The following SYNE2 variants were observed in gnomAD, a reference collection of about 807,000 sequenced individuals.
SYNE2 encodes nesprin-2.
Under a neutral mutation model 856.3 loss-of-function variants are expected in SYNE2, and 431 were observed. The ratio of observed to expected loss-of-function variants is 0.50; its 90% CI spans 0.47 to 0.55. The LOEUF (loss-of-function observed/expected upper bound fraction) is 0.55, where lower values mean the gene tolerates loss of function less well. SYNE2 is among the 20% of genes least tolerant of loss of function. The probability of loss-of-function intolerance (pLI) is 0.00; values close to 1 mark genes in which losing one functional copy is unlikely to be tolerated. For missense variants in SYNE2, 8,129 were observed against 8,023.2 expected (o/e 1.01, Z -0.50); for synonymous variants, 2,923 against 2,872.3 (o/e 1.02, Z -0.56).
intron 1 of SYNE2, among the ~76,000 whole-genome samples, chr14:63,857,049 A>G (rs1891976017): frequency 1.3e-5 from 2 of 152,164 alleles, no homozygotes; most frequent in Admixed American, 6.5e-5. Flanking sequence ...GATTACAGGC[A>G]TGAGTCTGCC....
At chr14:64,004,789 G>A (rs1002694787) in intron 30 of SYNE2, among the ~76,000 whole-genome samples, 2 of 152,116 alleles carry the variant, frequency 1.3e-5, no homozygotes, top group Non-Finnish European at 2.9e-5. Flanking sequence ...CAGGCTCAAT[G>A]ATACTTTCAT....
intron 1 of SYNE2, among the ~76,000 whole-genome samples, chr14:63,822,860 T>C (rs1231358436): frequency 2.0e-5 from 3 of 152,124 alleles, no homozygotes; most frequent in Non-Finnish European, 4.4e-5. Context: ...TCCTAGAACA[T>C]TGAGAGGCTG....
intron 1 of SYNE2, among the ~76,000 whole-genome samples, chr14:63,899,501 C>A (rs1368517492): frequency 1.3e-5 from 2 of 148,694 alleles, no homozygotes; most frequent in African/African-American, 5.0e-5. Context: ...TGTGCCTGGC[C>A]CTGTTTGTTA....
intron 114 of SYNE2, 38 bp from the exon 115 acceptor site, chr14:64,224,961 G>A (rs375457689): frequency 5.9e-5 from 94 of 1,589,028 alleles, no homozygotes; most frequent in Non-Finnish European, 7.9e-5. Flanking sequence ...GGACTAAACT[G>A]TCTTCAACTT....
At chr14:64,155,706 C>T (rs1200666139) in intron 85 of SYNE2, among the ~76,000 whole-genome samples, 1 of 152,082 alleles carries the variant, frequency 6.6e-6, no homozygotes, top group Non-Finnish European at 1.5e-5. Flanking sequence ...GTAGGAGGAT[C>T]GCTTGAGGCC....
chr14:64,140,242 C>T (rs1379100921), intron 80 of SYNE2, among the ~76,000 whole-genome samples, 169 bp downstream of exon 80: 5 of 152,140 alleles, frequency 3.3e-5, no homozygotes, highest in Admixed American at 6.5e-5. Flanking sequence ...ACTGTTCATT[C>T]GTTTATAATA....
intron 100 of SYNE2, among the ~76,000 whole-genome samples, chr14:64,206,804 C>T (rs938734202): frequency 6.6e-6 from 1 of 151,342 alleles, no homozygotes; most frequent in East Asian, 1.9e-4. Flanking sequence ...CAGATGAGGT[C>T]ATGGGCATTT....
At position 64,137,767 on chromosome 14, in the gene SYNE2, A is replaced by G. The variant is rs1197092420; in HGVS notation, c.14647-20A>G. On this transcript the variant is annotated intron_variant, in intron 78 of 115. Coordinates refer to ENST00000555002, the MANE Select transcript of SYNE2 (RefSeq NM_182914.3). ...CTTTATTTTCTAAATAATTCATTCTATGACTTTACTTTTTATTAGCAAATA... is the reference window on the plus strand; with the variant it reads ...CTTTATTTTCTAAATAATTCATTCTGTGACTTTACTTTTTATTAGCAAATA... The G allele has an allele frequency of 3.7e-6, 6 of 1,613,192 alleles. No individual in the cohort carries two copies. Among genetic ancestry groups the G allele is most frequent in the East Asian group, 2.2e-5 (1 of 44,856 alleles).
At chr14:64,190,606 G>A in intron 99 of SYNE2, 1 of 702,182 alleles carries the variant, frequency 1.4e-6, no homozygotes, top group South Asian at 1.5e-5. Flanking sequence ...CCTCAGTATG[G>A]CAGATCAGGT....
chr14:63,854,631 A>T (rs1239461815), intron 1 of SYNE2, among the ~76,000 whole-genome samples: 1 of 152,254 alleles, frequency 6.6e-6, no homozygotes, highest in African/African-American at 2.4e-5. Flanking sequence ...CTTTGTCCAC[A>T]TGTTTGAATT....
At chr14:63,890,810 T>C (rs1396494294) in intron 1 of SYNE2, among the ~76,000 whole-genome samples, 5 of 152,222 alleles carry the variant, frequency 3.3e-5, no homozygotes, top group African/African-American at 9.6e-5. Flanking sequence ...TTGAAATTGC[T>C]CCTTTTCCTT....
intron 45 of SYNE2, among the ~76,000 whole-genome samples, chr14:64,046,882 T>C (rs1181487820): frequency 6.6e-6 from 1 of 152,206 alleles, no homozygotes; most frequent in Non-Finnish European, 1.5e-5. Flanking sequence ...CAGTGGCACC[T>C]GGGTGAGGGT....
intron 1 of SYNE2, among the ~76,000 whole-genome samples, chr14:63,838,634 G>A (rs939947723): frequency 2.8e-4 from 43 of 151,948 alleles, no homozygotes; most frequent in African/African-American, 8.9e-4. Context: ...CCCAGCCTCC[G>A]TAGTAGCCAG....
At chr14:64,075,330 A>G (rs906756531) in intron 53 of SYNE2, among the ~76,000 whole-genome samples, 1 of 152,226 alleles carries the variant, frequency 6.6e-6, no homozygotes, top group Non-Finnish European at 1.5e-5. Context: ...CTGCAGGAGA[A>G]GGTAGATCAG....
chr14:64,146,036 T>C (rs1456252141), intron 83 of SYNE2, 32 bp from the exon 84 acceptor site: 1 of 1,472,586 alleles, frequency 6.8e-7, no homozygotes, highest in Admixed American at 2.2e-5. Flanking sequence ...ACATACATTT[T>C]AACATTTTTT....
intron 45 of SYNE2, among the ~76,000 whole-genome samples, chr14:64,034,328 C>T (rs966257629): frequency 6.6e-6 from 1 of 152,184 alleles, no homozygotes; most frequent in African/African-American, 2.4e-5. Context: ...ATAGTTGTCA[C>T]AGCTTAAAAT....
At chr14:64,157,022 A>G (rs1443779047) in intron 85 of SYNE2, among the ~76,000 whole-genome samples, 1 of 152,180 alleles carries the variant, frequency 6.6e-6, no homozygotes, top group African/African-American at 2.4e-5. Flanking sequence ...ACATCACACT[A>G]CCCATAAAGA....
chr14:63,924,832 G>GTTTTTTTTTT (rs1491139905), intron 2 of SYNE2, among the ~76,000 whole-genome samples: 1,995 of 92,768 alleles, frequency 0.022, 566 homozygotes, highest in South Asian at 0.038. Flanking sequence ...TCCAGCCTTG[G>GTTTTTTTTTT]TGTTTTTTTT....
At chr14:64,219,108 T>TG (rs1555556105) in intron 109 of SYNE2, 100 bp from the exon 110 acceptor site, 88 of 801,048 alleles carry the variant, frequency 1.1e-4, no homozygotes, top group Middle Eastern at 4.0e-4. Context: ...TTTTTTGTTT[T>TG]TTTTTTTTTT....
Sources: gnomAD v4.1 joint callset for allele counts (sites outside exome capture counted in the v4.1 genomes callset) on GRCh38, gnomAD v4.1.1 for gene constraint, MANE v1.5 for transcripts, NCBI Gene and HGNC (gene_info 2026-07-23, HGNC 2026-07-21) for gene names.